Variants in ALKBH8 observed in about 807,000 individuals in gnomAD.
ALKBH8 encodes the protein alkB homolog 8, tRNA methyltransferase.
Under a neutral mutation model 59.8 loss-of-function variants are expected in ALKBH8, and 36 were observed. The ratio of observed to expected loss-of-function variants is 0.60; its 90% confidence interval spans 0.46 to 0.79. The LOEUF (loss-of-function observed/expected upper bound fraction) is 0.79. Ranked by LOEUF, ALKBH8 falls within the 30% of genes least tolerant of loss-of-function variation. ALKBH8 has a pLI of 0.00. For missense variants in ALKBH8, 768 were observed against 801.0 expected (o/e 0.96, Z 0.50); for synonymous variants, 276 against 273.6 (o/e 1.01, Z -0.09).
At chr11:107,563,245 T>C (rs1865006977) in intron 1 of ALKBH8, among the ~76,000 whole-genome samples, 1 of 152,186 alleles carries the variant, frequency 6.6e-6, no homozygotes, top group Non-Finnish European at 1.5e-5. Flanking sequence ...TAATTATTTG[T>C]TTTAGTATCT....
rs1218786655 is a variant in ALKBH8 at position 107,525,325 on chromosome 11, C to T, written c.1030+116G>A. 7 of 941,164 alleles carry T rather than the reference C, an allele frequency of 7.4e-6. No individual in the cohort carries two copies. The South Asian group carries it at 1.1e-4, about 15-fold the overall frequency. The allele number at this position is 941,164 out of a possible 1,614,324, so 58.3% of individuals were successfully genotyped here. A position where few individuals can be genotyped will look rare whatever the true frequency, so the allele number is the denominator to read the frequency against. ...TGAAAGTGCAATACAAGGCAAAATA[C>T]AGGAAATGCCATTAGAGAGATTCAG... On this transcript the variant is annotated intron_variant, in intron 9 of 11. Coordinates refer to ENST00000428149, the MANE Select transcript of ALKBH8 (RefSeq NM_138775.3).
intron 2 of ALKBH8, among the ~76,000 whole-genome samples, chr11:107,559,371 A>G (rs778101724): frequency 6.6e-6 from 1 of 152,336 alleles, no homozygotes; most frequent in Non-Finnish European, 1.5e-5. Context: ...TCCTTTAAGA[A>G]TATGGAGAAA....
chr11:107,548,463 A>C (rs1864356146), intron 7 of ALKBH8, among the ~76,000 whole-genome samples: 1 of 152,256 alleles, frequency 6.6e-6, no homozygotes, highest in Non-Finnish European at 1.5e-5. Flanking sequence ...AAATGAGAAG[A>C]TGTCCTTTAC....
At chr11:107,522,689 A>G in intron 9 of ALKBH8, 134 bp from the exon 10 acceptor site, 6 of 1,114,988 alleles carry the variant, frequency 5.4e-6, no homozygotes, top group Non-Finnish European at 7.4e-6. Context: ...GTTAAAAGAA[A>G]AAGTTCTTCC....
In ALKBH8 at chr11:107,504,565, G is replaced by T; in HGVS notation, c.*93C>A. The T allele has an allele frequency of 1.4e-6, 2 of 1,475,354 alleles. No individual in the cohort carries two copies. The highest frequency in any genetic ancestry group is 1.8e-6 in the Non-Finnish European group (2 of 1,083,732). The allele number at this position is 1,475,354 out of a possible 1,614,324, so 91.4% of individuals were successfully genotyped here. ...GCTTTCCTTTGGTACTTTCCCACAAGTTTTCTCTTTAATTAAAAGGGTAAT... is the reference window on the plus strand; with the variant it reads ...GCTTTCCTTTGGTACTTTCCCACAATTTTTCTCTTTAATTAAAAGGGTAAT... On this transcript the variant is annotated 3_prime_UTR_variant, in exon 12 of 12. Coordinates refer to ENST00000428149, the MANE Select transcript of ALKBH8 (RefSeq NM_138775.3).
At chr11:107,506,428 A>C (rs1000794200) in intron 11 of ALKBH8, among the ~76,000 whole-genome samples, 1 of 152,068 alleles carries the variant, frequency 6.6e-6, no homozygotes, top group African/African-American at 2.4e-5. Flanking sequence ...AAGACCATAG[A>C]AATAAATCCC....
chr11:107,549,334 A>T (rs1232347271), intron 7 of ALKBH8, among the ~76,000 whole-genome samples: 2 of 152,196 alleles, frequency 1.3e-5, no homozygotes, highest in African/African-American at 2.4e-5. Flanking sequence ...GAGTTTTTGA[A>T]GGGATTGAAT....
chr11:107,544,775 T>C (rs1299851932), intron 7 of ALKBH8, among the ~76,000 whole-genome samples: 1 of 151,182 alleles, frequency 6.6e-6, no homozygotes, highest in Admixed American at 6.6e-5. Flanking sequence ...TCAATATACA[T>C]ATAGAGCCAT....
At chr11:107,508,391 T>C (rs1323071926) in intron 11 of ALKBH8, among the ~76,000 whole-genome samples, 1 of 152,222 alleles carries the variant, frequency 6.6e-6, no homozygotes, top group Non-Finnish European at 1.5e-5. Flanking sequence ...CAGTCTGGTC[T>C]CAGACTCCTG....
intron 2 of ALKBH8, among the ~76,000 whole-genome samples, chr11:107,558,609 G>T (rs1423226889): frequency 6.6e-6 from 1 of 152,118 alleles, no homozygotes; most frequent in East Asian, 1.9e-4. Flanking sequence ...AGTGTTTTGT[G>T]GGCAACTCTA....
chr11:107,537,486 T>C (rs185662421), intron 7 of ALKBH8, among the ~76,000 whole-genome samples: 6 of 151,900 alleles, frequency 3.9e-5, no homozygotes, highest in Non-Finnish European at 4.4e-5. Flanking sequence ...TTCTCACTTA[T>C]AAGTGGTACC....
chr11:107,522,493 T>C lies in ALKBH8; in HGVS notation c.1093A>G (p.Lys365Glu), dbSNP rs895393777. 1.3e-6 allele frequency: 2 copies of C among 1,551,748 alleles called. No homozygotes were observed. The highest frequency in any genetic ancestry group is 2.0e-5 in the Admixed American group (1 of 51,004). ...ETPPSFPESD[K>E]EASRLEQEYV... ...TCTTGCTCCAGCCGTGAGGCTTCTT[T>C]ATCACTCTCTGGAAATGAGGGGGGA... Residue 365 changes from lysine to glutamate, a missense_variant, in exon 10 of 12, where the codon AAA becomes GAA. Physicochemically the swap from Lys to Glu is moderately conservative, Grantham distance 56. Coordinates refer to ENST00000428149, the MANE Select transcript of ALKBH8 (RefSeq NM_138775.3).
At position 107,503,372 on chromosome 11, in the gene ALKBH8, T is replaced by C. The variant is rs898561136; in HGVS notation, c.*1286A>G. 1 of 152,204 alleles carries C rather than the reference T, an allele frequency of 6.6e-6. No homozygotes were observed. Among genetic ancestry groups the C allele is most frequent in the Non-Finnish European group, 1.5e-5 (1 of 68,026 alleles). The allele number at this position is 152,204 out of a possible 1,614,324, so 9.4% of individuals were successfully genotyped here. A position where few individuals can be genotyped will look rare whatever the true frequency, so the allele number is the denominator to read the frequency against. ...GAAAACTTGATGCTTCAAGATTAAG[T>C]ATCACTAGCATTAATAACAGTAAAC... On this transcript the variant is annotated 3_prime_UTR_variant, in exon 12 of 12. Transcript: ENST00000428149.
At chr11:107,525,679 A>C in intron 8 of ALKBH8, 87 bp from the exon 9 acceptor site, 1 of 908,960 alleles carries the variant, frequency 1.1e-6, no homozygotes, top group Non-Finnish European at 1.5e-6. Context: ...AATAGAGAAA[A>C]TCTAGAAGAA....
At chr11:107,533,658 T>G (rs373159534) in intron 7 of ALKBH8, among the ~76,000 whole-genome samples, 1 of 152,166 alleles carries the variant, frequency 6.6e-6, no homozygotes, top group African/African-American at 2.4e-5. Flanking sequence ...TGAAGTGTAT[T>G]GATACCTGCA....
chr11:107,511,804 A>T (rs1185563399), intron 10 of ALKBH8, among the ~76,000 whole-genome samples: 1 of 151,908 alleles, frequency 6.6e-6, no homozygotes, highest in South Asian at 2.1e-4. Flanking sequence ...TCGAACTCCC[A>T]TCCTCAGGTG....
intron 11 of ALKBH8, among the ~76,000 whole-genome samples, chr11:107,508,832 T>A (rs1479117245): frequency 6.6e-6 from 1 of 152,254 alleles, no homozygotes; most frequent in Admixed American, 6.5e-5. Context: ...TGTTGTAGCA[T>A]GTGTCAGAAT....
intron 11 of ALKBH8, among the ~76,000 whole-genome samples, chr11:107,510,652 G>GA (rs1198217912): frequency 6.6e-6 from 1 of 152,124 alleles, no homozygotes; most frequent in Admixed American, 6.5e-5. Context: ...GGAAAGGGGC[G>GA]AAAGCATGCA....
rs763304990 is a variant in ALKBH8 at position 107,525,635 on chromosome 11, T to C, written c.879-43A>G. On this transcript the variant is annotated intron_variant, in intron 8 of 11. Transcript: ENST00000428149. ...AAAAATTTACTTAACATTGTATTAA[T>C]AAAAATATTTCAGGCCTTTAAAAAT... is the stretch of plus-strand genomic sequence containing the variant. 5 of 1,284,688 alleles carry C rather than the reference T, an allele frequency of 3.9e-6. No homozygotes were observed. In the African/African-American group the frequency reaches 4.7e-5, roughly 12 times the overall value. 79.6% of individuals were successfully genotyped at this position (1,284,688 alleles called of 1,614,324 possible).
Sources: gnomAD v4.1 joint callset for allele counts (sites outside exome capture counted in the v4.1 genomes callset) on GRCh38, gnomAD v4.1.1 for gene constraint, MANE v1.5 for transcripts, NCBI Gene and HGNC (gene_info 2026-07-23, HGNC 2026-07-21) for gene names.